The following MATR3 variants were observed in gnomAD, a reference collection of about 807,000 sequenced individuals.
MATR3 encodes the protein matrin-3.
Under a neutral mutation model 85.5 loss-of-function variants are expected in MATR3, and 4 were observed. The ratio of observed to expected loss-of-function variants is 0.05; its 90% confidence interval spans 0.02 to 0.11. The LOEUF is 0.11. Ranked by LOEUF, MATR3 falls within the 10% of genes least tolerant of loss-of-function variation. MATR3 has a pLI of 1.00. For synonymous variants in MATR3, 336 were observed against 343.1 expected (o/e 0.98, Z 0.23); for missense variants, 685 against 1,016.1 (o/e 0.67, Z 4.43).
intron 1 of MATR3, 131 bp downstream of exon 1, chr5:139,293,936 C>G: frequency 8.3e-7 from 1 of 1,206,916 alleles, no homozygotes; most frequent in Non-Finnish European, 1.0e-6. Flanking sequence ...TCCCGCTCTG[C>G]CTCCCTCCGC....
chr5:139,292,865 C>G (rs1264237362), upstream of MATR3, among the ~76,000 whole-genome samples: 1 of 151,594 alleles, frequency 6.6e-6, no homozygotes, highest in Admixed American at 6.6e-5. Flanking sequence ...ATGGCGTGAA[C>G]CCGGGAGGCG....
At chr5:139,317,783 A>G in intron 7 of MATR3, 62 bp downstream of exon 7, 1 of 1,421,366 alleles carries the variant, frequency 7.0e-7, no homozygotes, top group Non-Finnish European at 9.7e-7. Context: ...TTCTGCAAGA[A>G]TTAAATGATT....
chr5:139,330,554 T>A lies in MATR3; in HGVS notation c.*1159T>A, dbSNP rs1033894502. The A allele has an allele frequency of 5.5e-5, 25 of 454,018 alleles. No individual in the cohort carries two copies. The highest frequency in any genetic ancestry group is 9.7e-5 in the Non-Finnish European group (22 of 226,798). The allele number at this position is 454,018 out of a possible 1,614,324, so 28.1% of individuals were successfully genotyped here. ...AAGACTGCCGCTAAAGATCTGAGTT[T>A]TAAAAATGTTGTTGCTGGTGGATTT... On this transcript the variant is annotated 3_prime_UTR_variant, in exon 15 of 15. Transcript: ENST00000394805.
At chr5:139,283,691 T>C (rs1451184972) in intron 3 of MATR3, 1 of 152,266 alleles carries the variant, frequency 6.6e-6, no homozygotes, top group East Asian at 1.9e-4. Context: ...ATGCTAGATG[T>C]TAGGGATAAA....
In MATR3 at chr5:139,307,332, C is replaced by T. The variant is rs754670381; in HGVS notation, c.-84C>T. On this transcript the variant is annotated 5_prime_UTR_variant, in exon 2 of 15. Coordinates refer to ENST00000394805, the MANE Select transcript of MATR3 (RefSeq NM_018834.6). The surrounding 1 kb of genome is among the most constrained non-coding windows in gnomAD (Gnocchi z 4.4). ...CATTTTTGAAGCAAAGTTAACCTAG[C>T]TTTCTAGTTTGAGCTTTCTTTTTGG... 45 of 1,536,476 alleles carry T rather than the reference C, an allele frequency of 2.9e-5. No homozygotes were observed. Among genetic ancestry groups the T allele is most frequent in the Non-Finnish European group, 3.9e-5 (45 of 1,151,740 alleles).
In MATR3 at chr5:139,307,318, CA is replaced by C. The variant is rs1261638821; in HGVS notation, c.-95del. ...TTTCTTGGCGTTACCATTTTTGAAG[CA>C]AAGTTAACCTAGCTTTCTAGTTTGA... On this transcript the variant is annotated 5_prime_UTR_variant, in exon 2 of 15. Transcript: ENST00000394805. The surrounding 1 kb of genome is among the most constrained non-coding windows in gnomAD (Gnocchi z 4.4). The C allele has an allele frequency of 3.3e-6, 5 of 1,493,790 alleles. No homozygotes were observed. The African/African-American group carries it at 4.3e-5, about 13-fold the overall frequency. 92.5% of individuals were successfully genotyped at this position (1,493,790 alleles called of 1,614,324 possible). A position where few individuals can be genotyped will look rare whatever the true frequency, so the allele number is the denominator to read the frequency against.
chr5:139,280,067 ATAT>A (rs1446614161), intron 3 of MATR3: 1 of 152,188 alleles, frequency 6.6e-6, no homozygotes, highest in Admixed American at 6.5e-5. Context: ...AGGTAATATA[ATAT>A]TATGCTTGTT....
upstream of MATR3, among the ~76,000 whole-genome samples, chr5:139,291,298 T>C (rs895048332): frequency 5.3e-5 from 8 of 152,230 alleles, no homozygotes; most frequent in African/African-American, 1.9e-4. Context: ...CCTCAGATTA[T>C]TCACTCGTCT....
At chr5:139,300,836 A>G (rs2151942640) in intron 1 of MATR3, among the ~76,000 whole-genome samples, 1 of 151,232 alleles carries the variant, frequency 6.6e-6, no homozygotes, top group Non-Finnish European at 1.5e-5. Context: ...GTTTTGAGAC[A>G]GAGTTTTGCT....
intron 1 of MATR3, among the ~76,000 whole-genome samples, chr5:139,296,623 A>G (rs576505738): frequency 1.5e-3 from 228 of 152,360 alleles, no homozygotes; most frequent in African/African-American, 5.1e-3. Context: ...AGTACTGAGA[A>G]GTGACAGAAA....
At chr5:139,318,676 A>G (rs1391116685) in intron 7 of MATR3, among the ~76,000 whole-genome samples, 3 of 151,906 alleles carry the variant, frequency 2.0e-5, no homozygotes, top group African/African-American at 7.3e-5. Context: ...TGATCTTTCA[A>G]CCTCGTGATC....
intron 6 of MATR3, 89 bp downstream of exon 6, chr5:139,317,194 G>T: frequency 8.3e-7 from 1 of 1,202,860 alleles, no homozygotes; most frequent in Non-Finnish European, 1.2e-6. Context: ...TATGTATCGT[G>T]GTCCTTATGG....
intron 1 of MATR3, among the ~76,000 whole-genome samples, chr5:139,274,760 C>A (rs927101436): frequency 6.6e-6 from 1 of 151,910 alleles, no homozygotes; most frequent in African/African-American, 2.4e-5. Context: ...CATGGTGAAA[C>A]CCCGTCTCTA....
chr5:139,278,899 G>A lies in MATR3; in HGVS notation c.-256-152G>A, dbSNP rs191909504. On this transcript the variant is annotated intron_variant, in intron 2 of 16. Transcript: ENST00000509990. ...CAAGCACTGTTTTGGTGTTGTAGCT[G>A]AGTACCTTTGGGCAGTGTTTTGCAC... The A allele has an allele frequency of 7.2e-5, 37 of 517,402 alleles. No individual in the cohort carries two copies. In the East Asian group the frequency reaches 1.9e-3, roughly 26 times the overall value. The allele number at this position is 517,402 out of a possible 1,614,324, so 32.1% of individuals were successfully genotyped here. A position where few individuals can be genotyped will look rare whatever the true frequency, so the allele number is the denominator to read the frequency against.
At chr5:139,310,919 A>T (rs912886388) in intron 2 of MATR3, 1 of 152,158 alleles carries the variant, frequency 6.6e-6, no homozygotes, top group East Asian at 1.9e-4. Context: ...CTCCTGCTTC[A>T]GCCTTCCGAG....
intron 1 of MATR3, among the ~76,000 whole-genome samples, chr5:139,298,604 T>C (rs1043531116): frequency 1.4e-4 from 22 of 152,162 alleles, no homozygotes; most frequent in African/African-American, 5.1e-4. Context: ...ACTCCAAATA[T>C]TCTTTGTGTG....
intron 14 of MATR3, among the ~76,000 whole-genome samples, chr5:139,328,054 G>A (rs1249662952): frequency 6.6e-6 from 1 of 151,384 alleles, no homozygotes; most frequent in Non-Finnish European, 1.5e-5. Context: ...GTAGAAACGG[G>A]GTTTCACCAT....
Position 139,330,600 on chromosome 5 carries a change from A to G in MATR3, c.*1205A>G, listed in dbSNP as rs1041574439. 2 of 454,002 alleles carry G rather than the reference A, an allele frequency of 4.4e-6. No homozygotes were observed. The highest frequency in any genetic ancestry group is 8.8e-6 in the Non-Finnish European group (2 of 226,778). The allele number at this position is 454,002 out of a possible 1,614,324, so 28.1% of individuals were successfully genotyped here. A position where few individuals can be genotyped will look rare whatever the true frequency, so the allele number is the denominator to read the frequency against. On this transcript the variant is annotated 3_prime_UTR_variant, in exon 15 of 15. Transcript: ENST00000394805. ...GATTTCTTGTTCCTGTTACATAACT[A>G]AAAGTGAGGCCATTTGTGGTTTTTA...
chr5:139,291,044 C>A (rs888003487), upstream of MATR3, among the ~76,000 whole-genome samples: 1 of 152,048 alleles, frequency 6.6e-6, no homozygotes. Flanking sequence ...TGCTTAAACC[C>A]GGGACGCAGA....
Sources: gnomAD v4.1 joint callset for allele counts (sites outside exome capture counted in the v4.1 genomes callset) on GRCh38, gnomAD v4.1.1 for gene constraint, Gnocchi (gnomAD v3.1) non-coding constraint, MANE v1.5 for transcripts, NCBI Gene and HGNC (gene_info 2026-07-23, HGNC 2026-07-21) for gene names.